NECAB1: variants seen among roughly 807,000 people sequenced by gnomAD.
NECAB1 encodes N-terminal EF-hand calcium binding protein 1.
In NECAB1, 29 loss-of-function variants were observed where a neutral mutation model predicts 57.5. The ratio of observed to expected loss-of-function variants is 0.50; its 90% CI spans 0.38 to 0.69. NECAB1 has a LOEUF of 0.69. Ranked by LOEUF, NECAB1 falls within the 30% of genes least tolerant of loss-of-function variation. NECAB1 has a pLI of 0.00. For missense variants in NECAB1, 372 were observed against 413.8 expected, an observed-to-expected ratio of 0.90 and a Z score of 0.88; for synonymous variants, 142 against 147.7, an observed-to-expected ratio of 0.96 and a Z score of 0.28.
At chr8:90,832,710 A>G (rs1287652248) in intron 3 of NECAB1, among the ~76,000 whole-genome samples, 1 of 152,204 alleles carries the variant, frequency 6.6e-6, no homozygotes, top group Non-Finnish European at 1.5e-5. Context: ...ATAAGAATGT[A>G]TTGTCATTCA....
intron 4 of NECAB1, among the ~76,000 whole-genome samples, chr8:90,873,015 ATAT>A: frequency 6.6e-6 from 1 of 152,188 alleles, no homozygotes; most frequent in East Asian, 1.9e-4. Context: ...CCATTTTCTT[ATAT>A]TCAAGAGTGG....
intron 4 of NECAB1, among the ~76,000 whole-genome samples, chr8:90,874,147 C>T (rs1257691498): frequency 6.6e-6 from 1 of 152,130 alleles, no homozygotes; most frequent in Non-Finnish European, 1.5e-5. Context: ...GGATTCTAAT[C>T]AAAGCCAAAT....
intron 3 of NECAB1, among the ~76,000 whole-genome samples, chr8:90,870,131 T>G (rs1808596068): frequency 6.6e-6 from 1 of 152,174 alleles, no homozygotes; most frequent in African/African-American, 2.4e-5. Flanking sequence ...CTTTGCCTTC[T>G]GCCACGATTG....
At chr8:90,910,781 T>TG (rs1809812093) in intron 5 of NECAB1, among the ~76,000 whole-genome samples, 1 of 152,184 alleles carries the variant, frequency 6.6e-6, no homozygotes, top group African/African-American at 2.4e-5. Flanking sequence ...CAGTTTCAGT[T>TG]GCTATTCTCA....
At chr8:90,917,870 A>ATATGTG (rs1554575432) in intron 6 of NECAB1, among the ~76,000 whole-genome samples, 15 of 64,316 alleles carry the variant, frequency 2.3e-4, no homozygotes, top group African/African-American at 1.0e-3. Flanking sequence ...ATATATATAT[A>ATATGTG]TGTGTGTGTG....
chr8:90,955,112 T>TTTTATATATA (rs1554578887), intron 12 of NECAB1, among the ~76,000 whole-genome samples: 20 of 70,806 alleles, frequency 2.8e-4, no homozygotes, highest in African/African-American at 9.4e-4. Flanking sequence ...GGTATATAAA[T>TTTTATATATA]TATATATATA....
At chr8:90,828,131 G>GTTTTTTTTTTTTTTTTT (rs397961666) in intron 3 of NECAB1, among the ~76,000 whole-genome samples, 1 of 143,498 alleles carries the variant, frequency 7.0e-6, no homozygotes, top group Non-Finnish European at 1.5e-5. Flanking sequence ...GTTCACTGCA[G>GTTTTTTTTTTTTTTTTT]TTTTTTTTTT....
chr8:90,902,326 A>G (rs896875789), intron 5 of NECAB1, among the ~76,000 whole-genome samples: 3 of 152,196 alleles, frequency 2.0e-5, no homozygotes, highest in African/African-American at 7.2e-5. Flanking sequence ...TGGCTGAGGT[A>G]GGAGAATCGC....
At chr8:90,797,291 A>G (rs772544064) in intron 1 of NECAB1, among the ~76,000 whole-genome samples, 1 of 152,224 alleles carries the variant, frequency 6.6e-6, no homozygotes, top group Non-Finnish European at 1.5e-5. Flanking sequence ...ATGCGAGTCT[A>G]GGTGATACCT....
chr8:90,876,919 C>G (rs1808738556), intron 4 of NECAB1, among the ~76,000 whole-genome samples: 1 of 152,172 alleles, frequency 6.6e-6, no homozygotes, highest in African/African-American at 2.4e-5. Flanking sequence ...CAGGTTTCAA[C>G]AAAATAGGTC....
At chr8:90,914,700 T>A (rs917968683) in intron 5 of NECAB1, among the ~76,000 whole-genome samples, 10 of 152,208 alleles carry the variant, frequency 6.6e-5, no homozygotes, top group African/African-American at 2.4e-4. Flanking sequence ...ACTTTCTGAT[T>A]TGCTATGGTG....
chr8:90,820,972 C>T lies in NECAB1; in HGVS notation c.125-3745C>T, dbSNP rs145030668. 2.0e-4 allele frequency among the ~76,000 whole-genome samples: 31 copies of T among 151,940 alleles called. No individual in the cohort carries two copies. The East Asian group carries it at 5.2e-3, about 26-fold the overall frequency. ...AATCCTCTCAATAGCCAGGCATTTA[C>T]GAAATCTGAAACTTAAAGGAATTAG... On this transcript the variant is annotated intron_variant, in intron 2 of 12. Transcript: ENST00000417640.
chr8:90,855,406 G>T (rs1812775860), intron 3 of NECAB1, among the ~76,000 whole-genome samples: 1 of 152,160 alleles, frequency 6.6e-6, no homozygotes, highest in South Asian at 2.1e-4. Flanking sequence ...AGGAGTCTTT[G>T]GATGTTCAAA....
At chr8:90,869,581 C>T (rs538095409) in intron 3 of NECAB1, among the ~76,000 whole-genome samples, 11 of 152,350 alleles carry the variant, frequency 7.2e-5, no homozygotes, top group African/African-American at 2.6e-4. Context: ...GATTTAATAA[C>T]TGCCCTGCTG....
Position 90,959,297 on chromosome 8 carries a change from T to TAA in NECAB1, c.*3785_*3786insAA. 4.8e-6 allele frequency: 1 copy of TAA among 207,936 alleles called. No homozygotes were observed. Among genetic ancestry groups the TAA allele is most frequent in the Non-Finnish European group, 9.5e-6 (1 of 105,246 alleles). 12.9% of individuals were successfully genotyped at this position (207,936 alleles called of 1,614,324 possible). ...CACCTAGGTTTAAAATATGTATTAATGTGTAAATCACAAGTAAAATGAATT... is the reference window on the plus strand; with the variant it reads ...CACCTAGGTTTAAAATATGTATTAATAAGTGTAAATCACAAGTAAAATGAATT... On this transcript the variant is annotated 3_prime_UTR_variant, in exon 13 of 13. Transcript: ENST00000417640.
At chr8:90,905,317 A>C in intron 5 of NECAB1, among the ~76,000 whole-genome samples, 1 of 152,206 alleles carries the variant, frequency 6.6e-6, no homozygotes, top group East Asian at 1.9e-4. Flanking sequence ...TCTTGTTTGC[A>C]GAGAGTTGTA....
At chr8:90,795,590 T>C (rs1407665347) in intron 1 of NECAB1, among the ~76,000 whole-genome samples, 3 of 152,200 alleles carry the variant, frequency 2.0e-5, no homozygotes, top group Non-Finnish European at 4.4e-5. Context: ...TATATGCTCA[T>C]TTGTATGATG....
At chr8:90,844,060 G>A (rs1165357901) in intron 3 of NECAB1, among the ~76,000 whole-genome samples, 4 of 151,596 alleles carry the variant, frequency 2.6e-5, no homozygotes, top group Non-Finnish European at 4.4e-5. Flanking sequence ...TTTTTTTCCT[G>A]TAACTCAATT....
chr8:90,876,334 T>C (rs1808726617), intron 4 of NECAB1, among the ~76,000 whole-genome samples: 1 of 152,134 alleles, frequency 6.6e-6, no homozygotes, highest in Non-Finnish European at 1.5e-5. Flanking sequence ...CATTTCTAGA[T>C]CTGACTGACC....
Sources: allele counts gnomAD v4.1 joint callset (sites outside exome capture counted in the v4.1 genomes callset), GRCh38; gene constraint gnomAD v4.1.1; transcripts MANE v1.5; gene names NCBI Gene and HGNC (gene_info 2026-07-23, HGNC 2026-07-21).